The following COLGALT1 variants were observed in gnomAD, a reference collection of about 807,000 sequenced individuals.
COLGALT1 encodes the protein collagen beta(1-O)galactosyltransferase 1.
A neutral mutation model predicts 60.8 loss-of-function variants in COLGALT1; 43 were observed. The observed-to-expected ratio is 0.71, with a 90% confidence interval of 0.55 to 0.91. COLGALT1 has a LOEUF of 0.91. Ranked by LOEUF, COLGALT1 falls within the 40% of genes least tolerant of loss-of-function variation. The pLI is 0.00. For missense variants in COLGALT1, 845 were observed against 880.0 expected, an observed-to-expected ratio of 0.96 and a Z score of 0.50; for synonymous variants, 369 against 374.2, an observed-to-expected ratio of 0.99 and a Z score of 0.16.
chr19:17,561,333 G>A (rs957503312), intron 3 of COLGALT1, among the ~76,000 whole-genome samples: 3 of 151,804 alleles, frequency 2.0e-5, no homozygotes, highest in Non-Finnish European at 2.9e-5. Flanking sequence ...TTCCTGCCTC[G>A]GCCTCCCAAA....
intron 6 of COLGALT1, among the ~76,000 whole-genome samples, chr19:17,575,090 C>T (rs546612963): frequency 2.0e-5 from 3 of 152,180 alleles, no homozygotes; most frequent in East Asian, 3.9e-4. Flanking sequence ...CTTGCACTGT[C>T]GCCTGGGCTG....
At chr19:17,563,835 T>C (rs926326056) in intron 3 of COLGALT1, among the ~76,000 whole-genome samples, 1 of 152,130 alleles carries the variant, frequency 6.6e-6, no homozygotes, top group African/African-American at 2.4e-5. Flanking sequence ...GGAACCCATA[T>C]TGGAATGTGA....
At position 17,570,113 on chromosome 19, in the gene COLGALT1, T is replaced by G. The variant is rs142745414; in HGVS notation, c.829+1400T>G. ...TTTCACTGTGTTAGCCAGGATGGTCTTGATCTCTTGACCTTGTGATCTGCC... is the reference window on the plus strand; with the variant it reads ...TTTCACTGTGTTAGCCAGGATGGTCGTGATCTCTTGACCTTGTGATCTGCC... On this transcript the variant is annotated intron_variant, in intron 5 of 11. Coordinates refer to ENST00000252599, the MANE Select transcript of COLGALT1 (RefSeq NM_024656.4). Among the ~76,000 whole-genome samples, 614 of 151,618 alleles carry G rather than the reference T, an allele frequency of 4.0e-3. 7 individuals are homozygous for G. The highest frequency in any genetic ancestry group is 0.014 in the African/African-American group (596 of 41,360).
In COLGALT1 at chr19:17,555,854, G is replaced by A. The variant is rs1246270631; in HGVS notation, c.141G>A (p.Ser47=). Residue 47 remains serine (S), a synonymous_variant, in exon 1 of 12, where the codon TCG becomes TCA. Transcript: ENST00000252599. ...CCGAGGAGCGCTGGAGCCCGGAGTC[G>A]CCCCTGCAGGCGCCGCGCGTGCTCA... ...YFPEERWSPE[S]PLQAPRVLIA... 4.4e-6 allele frequency: 6 copies of A among 1,359,774 alleles called. No homozygotes were observed. Among genetic ancestry groups the A allele is most frequent in the Admixed American group, 3.3e-5 (1 of 29,944 alleles). 84.2% of individuals were successfully genotyped at this position (1,359,774 alleles called of 1,614,324 possible).
chr19:17,564,929 T>C (rs1426408816), intron 3 of COLGALT1, among the ~76,000 whole-genome samples: 2 of 152,134 alleles, frequency 1.3e-5, no homozygotes, highest in Admixed American at 6.6e-5. Flanking sequence ...TGGCAGCCAC[T>C]AATCTGCTTC....
In COLGALT1 at chr19:17,559,430, C is replaced by T; in HGVS notation, c.371+9C>T. On this transcript the variant is annotated intron_variant, in intron 2 of 11. Coordinates refer to ENST00000252599, the MANE Select transcript of COLGALT1 (RefSeq NM_024656.4). ...CCAGCAGAGGAGCCCAGGTGAGCAT[C>T]TTTCCCCTGCTCCTAGTCTGATTGG... is the stretch of plus-strand genomic sequence containing the variant. 1 of 1,542,536 alleles carries T rather than the reference C, an allele frequency of 6.5e-7. No homozygotes were observed. Among genetic ancestry groups the T allele is most frequent in the South Asian group, 1.2e-5 (1 of 83,850 alleles).
intron 6 of COLGALT1, among the ~76,000 whole-genome samples, chr19:17,574,353 G>A (rs772705986): frequency 4.4e-4 from 65 of 149,210 alleles, no homozygotes; most frequent in Non-Finnish European, 7.4e-4. Context: ...TTTTTGAGAC[G>A]GTGTCTCACT....
At chr19:17,571,570 T>C (rs1349346465) in intron 5 of COLGALT1, among the ~76,000 whole-genome samples, 2 of 151,412 alleles carry the variant, frequency 1.3e-5, no homozygotes, top group African/African-American at 2.4e-5. Flanking sequence ...ATACAGAAAT[T>C]AGCTGGGTGT....
chr19:17,578,209 G>C, intron 9 of COLGALT1, 120 bp downstream of exon 9: 1 of 1,153,870 alleles, frequency 8.7e-7, no homozygotes, highest in South Asian at 2.0e-5. Flanking sequence ...CCTCAGCCAT[G>C]GGACCCATGG....
Position 17,557,007 on chromosome 19 carries a change from TG to T in COLGALT1, c.260+1037del, listed in dbSNP as rs562399695. Among the ~76,000 whole-genome samples the T allele has an allele frequency of 3.9e-5, 6 of 152,322 alleles. No homozygotes were observed. In the South Asian group the frequency reaches 1.2e-3, roughly 32 times the overall value. ...ATCCAGTTAATGGATGTGGAGCCCT[TG>T]GGTCTGGCATGGGCTTGGCTCTCAG... On this transcript the variant is annotated intron_variant, in intron 1 of 11. Coordinates refer to ENST00000252599, the MANE Select transcript of COLGALT1 (RefSeq NM_024656.4).
At chr19:17,578,654 C>T (rs2076359811) in intron 9 of COLGALT1, among the ~76,000 whole-genome samples, 1 of 152,202 alleles carries the variant, frequency 6.6e-6, no homozygotes, top group South Asian at 2.1e-4. Flanking sequence ...GTTAAGGCTG[C>T]AGTCAGCCAA....
At chr19:17,561,367 C>T (rs759791887) in intron 3 of COLGALT1, among the ~76,000 whole-genome samples, 16 of 151,796 alleles carry the variant, frequency 1.1e-4, no homozygotes, top group Non-Finnish European at 2.1e-4. Context: ...AGGCATGGGC[C>T]ACCGTGCCTG....
At position 17,558,770 on chromosome 19, in the gene COLGALT1, G is replaced by A. The variant is rs562873030; in HGVS notation, c.261-541G>A. Among the ~76,000 whole-genome samples the A allele has an allele frequency of 2.6e-5, 4 of 152,212 alleles. No individual in the cohort carries two copies. The East Asian group carries it at 7.7e-4, about 29-fold the overall frequency. On this transcript the variant is annotated intron_variant, in intron 1 of 11. Coordinates refer to ENST00000252599, the MANE Select transcript of COLGALT1 (RefSeq NM_024656.4). ...AGTAATAAAACAGCCAATCACTAAT[G>A]GGTCTTTCCAAAATCAGCTTGTTTA...
chr19:17,581,211 C>G lies in COLGALT1; in HGVS notation c.1636C>G (p.Leu546Val). The G allele has an allele frequency of 2.5e-6, 4 of 1,608,728 alleles. No individual in the cohort carries two copies. The highest frequency in any genetic ancestry group is 3.4e-6 in the Non-Finnish European group (4 of 1,178,950). ...EYKAHFSLRN[L>V]HAFSVEPLLI... ...CAAGGCCCACTTCTCCCTCCGCAAC[C>G]TGCATGCCTTCTCTGTGGAGCCGCT... The change falls in exon 12 of 12, where the codon CTG becomes GTG. Residue 546 changes from leucine to valine, a missense_variant. Transcript: ENST00000252599.
chr19:17,581,586 G>C lies in COLGALT1; in HGVS notation c.*142G>C. Reference sequence around the variant, plus strand: ...GTGGTGTCCAGCCAGCTCTTGCTAAGCAATCACGTGCACACAGGCAGCATT... The same window carrying C: ...GTGGTGTCCAGCCAGCTCTTGCTAACCAATCACGTGCACACAGGCAGCATT... On this transcript the variant is annotated 3_prime_UTR_variant, in exon 12 of 12. Coordinates refer to ENST00000252599, the MANE Select transcript of COLGALT1 (RefSeq NM_024656.4). 1 of 1,065,058 alleles carries C rather than the reference G, an allele frequency of 9.4e-7. No homozygotes were observed. The highest frequency in any genetic ancestry group is 2.6e-4 in the Middle Eastern group (1 of 3,838). 66.0% of individuals were successfully genotyped at this position (1,065,058 alleles called of 1,614,324 possible).
At chr19:17,556,011 C>T (rs2076208656) in intron 1 of COLGALT1, 38 bp downstream of exon 1, 3 of 1,287,118 alleles carry the variant, frequency 2.3e-6, no homozygotes, top group Admixed American at 4.2e-5. Context: ...GCGGGTCACG[C>T]GAGCCCCTGC....
chr19:17,573,557 G>A (rs928460167), intron 6 of COLGALT1, among the ~76,000 whole-genome samples: 2 of 151,634 alleles, frequency 1.3e-5, no homozygotes, highest in South Asian at 4.2e-4. Context: ...TAATTAGTCC[G>A]ACATGGTGGC....
At position 17,563,187 on chromosome 19, in the gene COLGALT1, CTTTTTTTTT is replaced by C. The variant is rs954111271; in HGVS notation, c.489+2735_489+2743del. On this transcript the variant is annotated intron_variant, in intron 3 of 11. Coordinates refer to ENST00000252599, the MANE Select transcript of COLGALT1 (RefSeq NM_024656.4). ...GACACAAAATAATATTTTCGTGTTT[CTTTTTTTTT>C]TTTTTTTTTTTTGAGACAGTGTCTC... Among the ~76,000 whole-genome samples the C allele has an allele frequency of 1.9e-3, 227 of 117,522 alleles. 2 individuals are homozygous for C. The highest frequency in any genetic ancestry group is 8.0e-4 in the Non-Finnish European group (46 of 57,778). The allele number at this position is 117,522 out of a possible 152,430, so 77.1% of individuals were successfully genotyped here.
Position 17,572,605 on chromosome 19 carries a change from G to A in COLGALT1, c.949+3G>A, listed in dbSNP as rs200677529. The A allele has an allele frequency of 1.1e-4, 185 of 1,613,802 alleles. No homozygotes were observed. Among genetic ancestry groups the A allele is most frequent in the Non-Finnish European group, 1.5e-4 (177 of 1,180,024 alleles). On this transcript the variant is annotated splice_donor_region_variant and intron_variant, in intron 6 of 11. Transcript: ENST00000252599. ...GCATGTGCAGCTGGAGGTCATGGGT[G>A]AGTCTGCCTGCACACCGCCCTGGGA...
Sources: gnomAD v4.1 joint callset for allele counts (sites outside exome capture counted in the v4.1 genomes callset) on GRCh38, gnomAD v4.1.1 for gene constraint, MANE v1.5 for transcripts, NCBI Gene and HGNC (gene_info 2026-07-23, HGNC 2026-07-21) for gene names.